RMND5B: variants seen among roughly 807,000 people sequenced by gnomAD.
RMND5B encodes the protein E3 ubiquitin-protein transferase RMND5B.
Under a neutral mutation model 50.4 loss-of-function variants are expected in RMND5B, and 42 were observed. That is an observed-to-expected ratio of 0.83 (90% CI 0.65 to 1.08). RMND5B has a LOEUF of 1.08. Among genes scored for constraint, RMND5B ranks in the 50% least tolerant of loss-of-function variants. The pLI, the probability that RMND5B is intolerant of heterozygous loss-of-function variation, is 0.00. For missense variants in RMND5B, 463 were observed against 508.5 expected, an observed-to-expected ratio of 0.91 and a Z score of 0.86; for synonymous variants, 220 against 210.0, an observed-to-expected ratio of 1.05 and a Z score of -0.41.
In RMND5B at chr5:178,149,805, TG is replaced by T. The variant is rs1175039504; in HGVS notation, c.*1777del. 6.2e-7 allele frequency: 1 copy of T among 1,613,768 alleles called. No individual in the cohort carries two copies. On this transcript the variant is annotated 3_prime_UTR_variant, in exon 11 of 11. Coordinates refer to ENST00000313386, the MANE Select transcript of RMND5B (RefSeq NM_022762.5). ...TGGGGCTTGACCATTATCACACAGG[TG>T]GGGCGCTTGGAGCCTGCGGCTGCAC...
intron 2 of RMND5B, among the ~76,000 whole-genome samples, chr5:178,136,742 T>C (rs1226997353): frequency 6.6e-6 from 1 of 152,124 alleles, no homozygotes; most frequent in African/African-American, 2.4e-5. Context: ...AGAATGGGCA[T>C]TGGGCTAGAT....
intron 2 of RMND5B, chr5:178,135,881 T>C (rs1253912030): frequency 6.6e-6 from 1 of 152,246 alleles, no homozygotes; most frequent in Admixed American, 6.5e-5. Context: ...CCAGACACTC[T>C]TGGCCAACAT....
chr5:178,145,909 G>A, intron 7 of RMND5B: 1 of 559,886 alleles, frequency 1.8e-6, no homozygotes, highest in Non-Finnish European at 3.2e-6. Context: ...TTCTCATCCT[G>A]CAGAAGCAGC....
At chr5:178,145,913 A>C (rs771485561) in intron 7 of RMND5B, 5 of 563,210 alleles carry the variant, frequency 8.9e-6, no homozygotes, top group Admixed American at 3.0e-5. Flanking sequence ...CATCCTGCAG[A>C]AGCAGCCTGG....
Position 178,149,509 on chromosome 5 carries a change from C to G in RMND5B, c.*1477C>G. 1.7e-6 allele frequency: 1 copy of G among 597,738 alleles called. No homozygotes were observed. The highest frequency in any genetic ancestry group is 3.0e-6 in the Non-Finnish European group (1 of 335,184). The allele number at this position is 597,738 out of a possible 1,614,324, so 37.0% of individuals were successfully genotyped here. A position where few individuals can be genotyped will look rare whatever the true frequency, so the allele number is the denominator to read the frequency against. ...TCCCCACCCCACATTCTTGGAACAG[C>G]CTTTAGTTCTACAGGAAATGGCACT... is the stretch of plus-strand genomic sequence containing the variant. On this transcript the variant is annotated 3_prime_UTR_variant, in exon 11 of 11. Coordinates refer to ENST00000313386, the MANE Select transcript of RMND5B (RefSeq NM_022762.5).
At chr5:178,144,357 G>A (rs943586282) in intron 7 of RMND5B, among the ~76,000 whole-genome samples, 13 of 152,016 alleles carry the variant, frequency 8.6e-5, no homozygotes, top group East Asian at 1.9e-4. Flanking sequence ...CCTGCTATGC[G>A]CCACACCACA....
In RMND5B at chr5:178,144,064, G is replaced by A; in HGVS notation, c.650G>A (p.Ser217Asn). ...GGPAKQLEAL[S>N]YARHFQPFAR... ...CCCGCGAAGCAGCTGGAGGCCCTCA[G>A]CTATGCTCGGCACTTCCAGCCCTTT... is the stretch of plus-strand genomic sequence containing the variant. Residue 217 changes from serine to asparagine, a missense_variant, in exon 7 of 11, where the codon AGC (serine) becomes AAC (asparagine). Coordinates refer to ENST00000313386, the MANE Select transcript of RMND5B (RefSeq NM_022762.5). 1 of 1,614,224 alleles carries A rather than the reference G, an allele frequency of 6.2e-7. No individual in the cohort carries two copies. Among genetic ancestry groups the A allele is most frequent in the Non-Finnish European group, 8.5e-7 (1 of 1,180,054 alleles).
At position 178,147,698 on chromosome 5, in the gene RMND5B, T is replaced by G. The variant is rs202244197; in HGVS notation, c.964-31T>G. On this transcript the variant is annotated intron_variant, in intron 9 of 10. Coordinates refer to ENST00000313386, the MANE Select transcript of RMND5B (RefSeq NM_022762.5). ...TGGGGAGGACAGCCATGACAGGAAG[T>G]GGAACTCACCCGCTTCGCTGCCCTT... 7 of 1,614,066 alleles carry G rather than the reference T, an allele frequency of 4.3e-6. No individual in the cohort carries two copies. The Admixed American group carries it at 1.2e-4, about 27-fold the overall frequency.
rs1756138844 is a variant in RMND5B at position 178,148,143 on chromosome 5, T to C, written c.*111T>C. ...TGTGGTTGGTTTCAGAGCGCCTGGCTGAGGAGTTCCACTGAGGGGAGCACT... is the reference window on the plus strand; with the variant it reads ...TGTGGTTGGTTTCAGAGCGCCTGGCCGAGGAGTTCCACTGAGGGGAGCACT... On this transcript the variant is annotated 3_prime_UTR_variant, in exon 11 of 11. Coordinates refer to ENST00000313386, the MANE Select transcript of RMND5B (RefSeq NM_022762.5). The C allele has an allele frequency of 1.9e-6, 2 of 1,080,006 alleles. No homozygotes were observed. Among genetic ancestry groups the C allele is most frequent in the Non-Finnish European group, 1.4e-6 (1 of 711,482 alleles). The allele number at this position is 1,080,006 out of a possible 1,614,324, so 66.9% of individuals were successfully genotyped here.
In RMND5B at chr5:178,147,517, T is replaced by C; in HGVS notation, c.861-16T>C. 1.2e-6 allele frequency: 2 copies of C among 1,610,564 alleles called. No individual in the cohort carries two copies. The highest frequency in any genetic ancestry group is 1.7e-6 in the Non-Finnish European group (2 of 1,178,136). ...CTGTGATCTGAGCCACTCTAGCCCC[T>C]GTTCCTTGTCTGCAGCTTTGCCTCT... On this transcript the variant is annotated splice_polypyrimidine_tract_variant and intron_variant, in intron 8 of 10. Coordinates refer to ENST00000313386, the MANE Select transcript of RMND5B (RefSeq NM_022762.5).
chr5:178,142,968 C>T lies in RMND5B; in HGVS notation c.402C>T (p.Leu134=), dbSNP rs61751560. The T allele has an allele frequency of 2.5e-6, 4 of 1,613,912 alleles. No individual in the cohort carries two copies. The highest frequency in any genetic ancestry group is 2.2e-5 in the South Asian group (2 of 91,058). The change falls in exon 5 of 11, where the codon CTC becomes CTT. Residue 134 remains leucine, a synonymous_variant. Coordinates refer to ENST00000313386, the MANE Select transcript of RMND5B (RefSeq NM_022762.5). The part of the protein sequence containing the change: ...IVEHLYQQGM[L]SVAEELCQES... ...AACACCTGTATCAGCAGGGCATGCT[C>T]AGCGTGGCCGAGGAGCTGTGCCAGG...
chr5:178,145,377 C>A (rs145304891), intron 7 of RMND5B, among the ~76,000 whole-genome samples: 3,201 of 151,486 alleles, frequency 0.021, 38 homozygotes, highest in Middle Eastern at 0.062. Flanking sequence ...TCCCAGCTAC[C>A]CGGGAGGCTG....
intron 9 of RMND5B, 28 bp from the exon 10 acceptor site, chr5:178,147,701 A>G: frequency 1.2e-6 from 2 of 1,614,024 alleles, no homozygotes; most frequent in South Asian, 1.1e-5. Flanking sequence ...CAGGAAGTGG[A>G]ACTCACCCGC....
rs1758289031 is a variant in RMND5B, at chr5:178,131,343, C to G, written c.-46C>G. 6.6e-6 allele frequency: 1 copy of G among 152,236 alleles called. No homozygotes were observed. The highest frequency in any genetic ancestry group is 6.5e-5 in the Admixed American group (1 of 15,282). 9.4% of individuals were successfully genotyped at this position (152,236 alleles called of 1,614,324 possible). On this transcript the variant is annotated 5_prime_UTR_variant, in exon 2 of 11. Transcript: ENST00000313386. ...AGTTGCTCGGACTCAAACGTCCAGT[C>G]CTCGTGCGACCGCGCTGGGTCGGAA...
chr5:178,136,435 G>C (rs1201438096), intron 2 of RMND5B, among the ~76,000 whole-genome samples: 1 of 152,156 alleles, frequency 6.6e-6, no homozygotes, highest in Non-Finnish European at 1.5e-5. Flanking sequence ...GGGATGGTGG[G>C]GGGTGGGTGG....
At chr5:178,135,523 A>G (rs562514374) in intron 2 of RMND5B, among the ~76,000 whole-genome samples, 1 of 152,308 alleles carries the variant, frequency 6.6e-6, no homozygotes, top group South Asian at 2.1e-4. Flanking sequence ...TGCTCTGGGT[A>G]TATTTGGGAT....
At chr5:178,139,605 G>A (rs1382804937) in intron 3 of RMND5B, among the ~76,000 whole-genome samples, 3 of 149,650 alleles carry the variant, frequency 2.0e-5, no homozygotes, top group East Asian at 2.0e-4. Context: ...GTGCAATGGC[G>A]CAATCTCGGT....
Position 178,138,194 on chromosome 5 carries a change from T to A in RMND5B, c.75T>A (p.Cys25Ter). Residue 25 changes from cysteine (C) to a stop codon, truncating the protein, a stop_gained, in exon 3 of 11, where the codon TGT becomes TGA. Transcript: ENST00000313386. LOFTEE classifies it high-confidence loss of function. This position sits in a 1 kb window ranked among gnomAD's most constrained non-coding sequence, Gnocchi z 5.1. ...AGTTCCTGACCTACGGGCAGCACTG[T>A]GAGCGGAGCCTGGAGGAGCTGCTGC... Reference protein sequence around the residue: ...LQKFLTYGQHCERSLEELLHY... With the variant: ...LQKFLTYGQH 6.2e-7 allele frequency: 1 copy of A among 1,613,884 alleles called. No individual in the cohort carries two copies. The highest frequency in any genetic ancestry group is 1.1e-5 in the South Asian group (1 of 91,048).
rs10657977 is a variant in RMND5B at position 178,138,519 on chromosome 5, TTGTGTGTGTGTGTG to T, written c.139+277_139+290del. Reference sequence around the variant, plus strand: ...TTTTTAACTTTTTTTCATTTTATAATTGTGTGTGTGTGTGTGTGTGTGTGTGTGTAGAAACAGTG... The same window carrying T: ...TTTTTAACTTTTTTTCATTTTATAATTGTGTGTGTGTGTGTAGAAACAGTG... On this transcript the variant is annotated intron_variant, in intron 3 of 10. Transcript: ENST00000313386. This position sits in a 1 kb window ranked among gnomAD's most constrained non-coding sequence, Gnocchi z 5.1. The T allele has an allele frequency of 6.6e-6, 2 of 301,372 alleles. No individual in the cohort carries two copies. The highest frequency in any genetic ancestry group is 1.1e-5 in the Non-Finnish European group (2 of 179,432). 18.7% of individuals were successfully genotyped at this position (301,372 alleles called of 1,614,324 possible).
Sources: gnomAD v4.1 joint callset for allele counts (sites outside exome capture counted in the v4.1 genomes callset) on GRCh38, gnomAD v4.1.1 for gene constraint, Gnocchi (gnomAD v3.1) non-coding constraint, MANE v1.5 for transcripts, NCBI Gene and HGNC (gene_info 2026-07-23, HGNC 2026-07-21) for gene names.